The following HECW2 variants were observed in gnomAD, a reference collection of about 807,000 sequenced individuals.
HECW2 encodes the protein HECT, C2 and WW domain containing E3 ubiquitin protein ligase 2, also known as E3 ubiquitin-protein ligase HECW2.
Under a neutral mutation model 175.2 loss-of-function variants are expected in HECW2, and 61 were observed. That is an observed-to-expected ratio of 0.35 (90% CI 0.28 to 0.43). The LOEUF is 0.43. Ranked by LOEUF, HECW2 falls within the 20% of genes least tolerant of loss-of-function variation. The pLI is 1.00. For synonymous variants in HECW2, 671 were observed against 731.0 expected, an observed-to-expected ratio of 0.92 and a Z score of 1.32; for missense variants, 1,524 against 2,000.5, an observed-to-expected ratio of 0.76 and a Z score of 4.54.
At chr2:196,268,731 A>C (rs1360338469) in intron 17 of HECW2, among the ~76,000 whole-genome samples, 1 of 152,200 alleles carries the variant, frequency 6.6e-6, no homozygotes, top group South Asian at 2.1e-4. Flanking sequence ...AGAGGAACAG[A>C]TATTAACTAG....
intron 23 of HECW2, among the ~76,000 whole-genome samples, chr2:196,222,757 T>C (rs1687714091): frequency 6.6e-6 from 1 of 152,080 alleles, no homozygotes; most frequent in South Asian, 2.1e-4. Context: ...AAATTATTTA[T>C]ATATTTCTAT....
chr2:196,527,585 G>A (rs1158996035), intron 1 of HECW2, among the ~76,000 whole-genome samples: 1 of 152,186 alleles, frequency 6.6e-6, no homozygotes, highest in African/African-American at 2.4e-5. Context: ...AACGTTAAGG[G>A]CAAACCACAA....
chr2:196,580,773 T>C (rs912077632), intron 1 of HECW2, among the ~76,000 whole-genome samples: 2 of 152,036 alleles, frequency 1.3e-5, no homozygotes, highest in Non-Finnish European at 2.9e-5. Context: ...AGATTTACCA[T>C]ATGGCCCACA....
intron 1 of HECW2, among the ~76,000 whole-genome samples, chr2:196,577,802 C>A (rs1366361792): frequency 1.3e-5 from 2 of 152,154 alleles, no homozygotes; most frequent in Admixed American, 6.6e-5. Context: ...TATAACCAGA[C>A]AGAGACTCCA....
intron 2 of HECW2, among the ~76,000 whole-genome samples, chr2:196,363,940 A>C (rs1448932147): frequency 6.6e-6 from 1 of 152,248 alleles, no homozygotes; most frequent in Admixed American, 6.5e-5. Context: ...AGACTTCTTA[A>C]CAATGTAAGC....
At chr2:196,279,721 C>T (rs1483609831) in intron 14 of HECW2, among the ~76,000 whole-genome samples, 1 of 152,138 alleles carries the variant, frequency 6.6e-6, no homozygotes, top group Non-Finnish European at 1.5e-5. Context: ...CCAGTTTAGT[C>T]GCCCATTACA....
chr2:196,498,827 T>C (rs1291867588), intron 1 of HECW2, among the ~76,000 whole-genome samples: 2 of 152,164 alleles, frequency 1.3e-5, no homozygotes, highest in Non-Finnish European at 2.9e-5. Context: ...ACTTCCTCAA[T>C]TGCTTCTATA....
intron 2 of HECW2, among the ~76,000 whole-genome samples, chr2:196,353,429 T>C (rs1693243834): frequency 1.3e-5 from 2 of 152,228 alleles, no homozygotes; most frequent in South Asian, 2.1e-4. Context: ...ATATTGTCTG[T>C]CTTCTTCTGT....
chr2:196,438,065 C>T (rs1695934283), intron 1 of HECW2, among the ~76,000 whole-genome samples: 1 of 151,992 alleles, frequency 6.6e-6, no homozygotes, highest in Non-Finnish European at 1.5e-5. Context: ...TCTGCATGTT[C>T]CTAATACCAG....
intron 1 of HECW2, among the ~76,000 whole-genome samples, chr2:196,581,619 C>G (rs1467615953): frequency 6.6e-6 from 1 of 151,986 alleles, no homozygotes; most frequent in Non-Finnish European, 1.5e-5. Context: ...TGAATTATAC[C>G]TCAATAAAGC....
At chr2:196,527,772 C>A (rs1688719578) in intron 1 of HECW2, among the ~76,000 whole-genome samples, 1 of 152,080 alleles carries the variant, frequency 6.6e-6, no homozygotes, top group Non-Finnish European at 1.5e-5. Flanking sequence ...TATTTCAAGC[C>A]CCAGGGGTTT....
At chr2:196,549,818 C>A (rs1689550444) in intron 1 of HECW2, among the ~76,000 whole-genome samples, 1 of 152,164 alleles carries the variant, frequency 6.6e-6, no homozygotes, top group Non-Finnish European at 1.5e-5. Flanking sequence ...ATACTCATAG[C>A]AAAGTATATT....
intron 1 of HECW2, among the ~76,000 whole-genome samples, chr2:196,532,262 A>T (rs1688863003): frequency 6.6e-6 from 1 of 152,218 alleles, no homozygotes; most frequent in East Asian, 1.9e-4. Context: ...GATAAAGAAA[A>T]TGTGGCACAT....
intron 2 of HECW2, among the ~76,000 whole-genome samples, chr2:196,402,063 T>C (rs1694833911): frequency 1.3e-5 from 2 of 151,220 alleles, no homozygotes; most frequent in Non-Finnish European, 3.0e-5. Flanking sequence ...TAGCCGGACG[T>C]GGTGGCGGGC....
At chr2:196,224,573 T>C (rs139596439) in intron 23 of HECW2, among the ~76,000 whole-genome samples, 244 of 152,130 alleles carry the variant, frequency 1.6e-3, no homozygotes, top group African/African-American at 5.7e-3. Flanking sequence ...ATGCCAGCTC[T>C]GAAGGAAAGA....
At chr2:196,447,133 C>T (rs1696209520) in intron 1 of HECW2, among the ~76,000 whole-genome samples, 1 of 152,098 alleles carries the variant, frequency 6.6e-6, no homozygotes, top group African/African-American at 2.4e-5. Context: ...TTTAATTTTA[C>T]TTCAAATACT....
At chr2:196,487,176 A>G (rs1051494140) in intron 1 of HECW2, among the ~76,000 whole-genome samples, 6 of 151,092 alleles carry the variant, frequency 4.0e-5, no homozygotes, top group African/African-American at 1.5e-4. Flanking sequence ...TTAGCCAGGC[A>G]TGGTGGCTTC....
At chr2:196,522,573 T>C (rs1434630916) in intron 1 of HECW2, among the ~76,000 whole-genome samples, 2 of 152,124 alleles carry the variant, frequency 1.3e-5, no homozygotes, top group African/African-American at 4.8e-5. Context: ...TCCTGAATGG[T>C]AATGCCTAGG....
chr2:196,342,969 T>TC (rs3082073), intron 3 of HECW2, among the ~76,000 whole-genome samples: 1 of 150,994 alleles, frequency 6.6e-6, no homozygotes, highest in East Asian at 1.9e-4. Flanking sequence ...TACCATACAT[T>TC]ATGTATATGT....
Sources: allele counts gnomAD v4.1 joint callset (sites outside exome capture counted in the v4.1 genomes callset), GRCh38; gene constraint gnomAD v4.1.1; transcripts MANE v1.5; gene names NCBI Gene and HGNC (gene_info 2026-07-23, HGNC 2026-07-21).